ARFGEF3: variants seen among roughly 807,000 people sequenced by gnomAD.
ARFGEF3 encodes brefeldin A-inhibited guanine nucleotide-exchange protein 3.
Under a neutral mutation model 221.7 loss-of-function variants are expected in ARFGEF3, and 96 were observed. That is an observed-to-expected ratio of 0.43 (90% confidence interval 0.37 to 0.51). The LOEUF is 0.51. Ranked by LOEUF, ARFGEF3 falls within the 20% of genes least tolerant of loss-of-function variation. ARFGEF3 has a pLI of 0.00. For synonymous variants in ARFGEF3, 1,145 were observed against 1,126.8 expected (o/e 1.02, Z -0.32); for missense variants, 2,410 against 2,789.9 (o/e 0.86, Z 3.07).
intron 4 of ARFGEF3, among the ~76,000 whole-genome samples, chr6:138,214,337 T>C (rs1777793548): frequency 6.6e-6 from 1 of 152,236 alleles, no homozygotes; most frequent in Non-Finnish European, 1.5e-5. Context: ...GATAAATTAT[T>C]TAAGAAATTT....
chr6:138,212,489 AC>A (rs1467416480), intron 4 of ARFGEF3, among the ~76,000 whole-genome samples: 1 of 152,230 alleles, frequency 6.6e-6, no homozygotes, highest in Admixed American at 6.5e-5. Flanking sequence ...AACCAGAAAT[AC>A]CATTTGACCC....
intron 20 of ARFGEF3, among the ~76,000 whole-genome samples, chr6:138,296,162 G>A (rs1779516417): frequency 6.6e-6 from 1 of 152,164 alleles, no homozygotes; most frequent in South Asian, 2.1e-4. Flanking sequence ...GGGTAGGCAA[G>A]GATGGTACTA....
chr6:138,188,586 A>G (rs548221418), intron 2 of ARFGEF3, among the ~76,000 whole-genome samples: 2 of 152,262 alleles, frequency 1.3e-5, no homozygotes, highest in Non-Finnish European at 2.9e-5. Flanking sequence ...AAAGCAGCCA[A>G]TTGCCAATGT....
At chr6:138,286,585 G>T in intron 15 of ARFGEF3, 116 bp from the exon 16 acceptor site, 3 of 764,798 alleles carry the variant, frequency 3.9e-6, no homozygotes, top group Non-Finnish European at 2.3e-6. Context: ...TATATTTCCT[G>T]TTGTAGAATT....
chr6:138,293,935 CCA>C (rs1779460307), intron 19 of ARFGEF3, 56 bp from the exon 20 acceptor site: 2 of 1,561,612 alleles, frequency 1.3e-6, no homozygotes, highest in Non-Finnish European at 1.7e-6. Context: ...AATCATTCTG[CCA>C]TAAAGACCTT....
At chr6:138,289,340 A>AT (rs1779356665) in intron 17 of ARFGEF3, among the ~76,000 whole-genome samples, 1 of 152,242 alleles carries the variant, frequency 6.6e-6, no homozygotes, top group African/African-American at 2.4e-5. Context: ...TAGAGCAGTC[A>AT]TTCTGGTGCT....
rs905255488 is a variant in ARFGEF3 at position 138,232,303 on chromosome 6, T to C, written c.420+2451T>C. Among the ~76,000 whole-genome samples the C allele has an allele frequency of 6.6e-5, 10 of 152,170 alleles. No homozygotes were observed. In the East Asian group the frequency reaches 1.7e-3, roughly 27 times the overall value. ...AGGCGGATCACCTGAGGTTGAGAGTTCGAGACCAGCCTAACCAACATGGGG... is the reference window on the plus strand; with the variant it reads ...AGGCGGATCACCTGAGGTTGAGAGTCCGAGACCAGCCTAACCAACATGGGG... On this transcript the variant is annotated intron_variant, in intron 5 of 33. Transcript: ENST00000251691.
chr6:138,266,728 A>G (rs568319884), intron 12 of ARFGEF3, among the ~76,000 whole-genome samples: 3 of 151,510 alleles, frequency 2.0e-5, no homozygotes, highest in South Asian at 4.2e-4. Context: ...AGGCGCCTGT[A>G]GTCCCAGCTA....
At position 138,262,888 on chromosome 6, in the gene ARFGEF3, C is replaced by T; in HGVS notation, c.1405C>T (p.Arg469Ter). ...EELKDGAEWS[R>*]DSMEINEADF... is the part of the protein sequence containing the mutation. ...GCTGAAGGATGGGGCTGAGTGGAGC[C>T]GAGATTCCATGGAGATCAATGAGGC... The change falls in exon 12 of 34, where the codon CGA becomes TGA. Residue 469 changes from arginine to a stop codon, truncating the protein, a stop_gained. Transcript: ENST00000251691. LOFTEE classifies it high-confidence loss of function. 1.2e-6 allele frequency: 2 copies of T among 1,613,492 alleles called. No homozygotes were observed. Among genetic ancestry groups the T allele is most frequent in the South Asian group, 1.1e-5 (1 of 91,004 alleles).
intron 20 of ARFGEF3, among the ~76,000 whole-genome samples, chr6:138,295,465 CAA>C (rs541897649): frequency 2.7e-4 from 34 of 125,834 alleles, no homozygotes; most frequent in Admixed American, 4.7e-4. Flanking sequence ...ACTAAAAATG[CAA>C]AAAAAAAAAA....
At chr6:138,255,340 G>T (rs947748330) in intron 9 of ARFGEF3, 96 bp from the exon 10 acceptor site, 5 of 843,992 alleles carry the variant, frequency 5.9e-6, no homozygotes, top group Non-Finnish European at 7.4e-6. Context: ...GTAAAGAGCC[G>T]CACTCTTGTC....
intron 4 of ARFGEF3, among the ~76,000 whole-genome samples, chr6:138,229,058 G>A (rs937321809): frequency 1.3e-5 from 2 of 152,228 alleles, no homozygotes; most frequent in African/African-American, 4.8e-5. Flanking sequence ...TAAAGATCTT[G>A]CAAATGTCAT....
Position 138,162,183 on chromosome 6 carries a change from G to A in ARFGEF3, c.85+12G>A. 1 of 1,589,364 alleles carries A rather than the reference G, an allele frequency of 6.3e-7. No individual in the cohort carries two copies. On this transcript the variant is annotated intron_variant, in intron 1 of 33. Transcript: ENST00000251691. This position sits in a 1 kb window ranked among gnomAD's most constrained non-coding sequence, Gnocchi z 4.7. Reference sequence around the variant, plus strand: ...CACCTGGGCCCTGGGTAAGCGTCCGGCACCTGCTCGCCGCGGCGGGAGGGC... The same window carrying A: ...CACCTGGGCCCTGGGTAAGCGTCCGACACCTGCTCGCCGCGGCGGGAGGGC...
chr6:138,335,987 T>C (rs1281257493), intron 33 of ARFGEF3, among the ~76,000 whole-genome samples: 1 of 151,806 alleles, frequency 6.6e-6, no homozygotes, highest in Non-Finnish European at 1.5e-5. Flanking sequence ...GAGATCTCAC[T>C]GTGAGAAGGC....
At chr6:138,309,261 C>G (rs1055692140) in intron 24 of ARFGEF3, among the ~76,000 whole-genome samples, 2 of 152,126 alleles carry the variant, frequency 1.3e-5, no homozygotes, top group Non-Finnish European at 2.9e-5. Context: ...GTGTCCTTCC[C>G]TTTCATTTCA....
Position 138,328,035 on chromosome 6 carries a change from C to T in ARFGEF3, c.5016C>T (p.Asp1672=). Residue 1672 remains aspartate (D), a synonymous_variant, in exon 32 of 34, where the codon GAC becomes GAT. Transcript: ENST00000251691. ...RAMAQQVFML[D]TQCSPKTPNN... ...CCCCCATACAGGTGTTTATGCTGGA[C>T]ACCCAGTGCTCACCAAAGACACCAA... 1 of 1,553,214 alleles carries T rather than the reference C, an allele frequency of 6.4e-7. No homozygotes were observed. The highest frequency in any genetic ancestry group is 8.7e-7 in the Non-Finnish European group (1 of 1,147,578).
intron 31 of ARFGEF3, among the ~76,000 whole-genome samples, chr6:138,326,606 A>C (rs1358030527): frequency 1.3e-5 from 2 of 152,202 alleles, no homozygotes; most frequent in Non-Finnish European, 2.9e-5. Context: ...AAAGTCAAAA[A>C]ACAATAGGTG....
intron 12 of ARFGEF3, among the ~76,000 whole-genome samples, chr6:138,268,650 C>G (rs1778939894): frequency 6.6e-6 from 1 of 152,160 alleles, no homozygotes; most frequent in African/African-American, 2.4e-5. Context: ...CTCTTTGATC[C>G]TGGATAGAAC....
intron 14 of ARFGEF3, among the ~76,000 whole-genome samples, chr6:138,280,771 A>T (rs1322853158): frequency 6.6e-5 from 10 of 152,178 alleles, no homozygotes; most frequent in Admixed American, 5.9e-4. Flanking sequence ...GAATCATTTG[A>T]ACCCGGGAGG....
Sources: allele counts gnomAD v4.1 joint callset (sites outside exome capture counted in the v4.1 genomes callset), GRCh38; gene constraint gnomAD v4.1.1; non-coding constraint Gnocchi (gnomAD v3.1); transcripts MANE v1.5; gene names NCBI Gene and HGNC (gene_info 2026-07-23, HGNC 2026-07-21).